SEMA3E: variants seen among roughly 807,000 people sequenced by gnomAD.
SEMA3E encodes semaphorin-3E.
A neutral mutation model predicts 93.6 loss-of-function variants in SEMA3E; 49 were observed. That is an observed-to-expected ratio of 0.52 (90% confidence interval 0.42 to 0.66). SEMA3E has a LOEUF of 0.66. Ranked by LOEUF, SEMA3E falls within the 30% of genes least tolerant of loss-of-function variation. The pLI is 0.00. For synonymous variants in SEMA3E, 363 were observed against 330.7 expected (o/e 1.10, Z -1.06); for missense variants, 906 against 964.8 (o/e 0.94, Z 0.81).
intron 1 of SEMA3E, among the ~76,000 whole-genome samples, chr7:83,504,585 G>C (rs1278371084): frequency 6.6e-6 from 1 of 152,174 alleles, no homozygotes; most frequent in African/African-American, 2.4e-5. Flanking sequence ...CCAATGCTGT[G>C]TGTACAGTTC....
chr7:83,476,730 T>G (rs995309945), intron 2 of SEMA3E, among the ~76,000 whole-genome samples: 9 of 152,136 alleles, frequency 5.9e-5, no homozygotes, highest in African/African-American at 1.7e-4. Context: ...CAGGATGCCT[T>G]TTGGTTCTGC....
At chr7:83,373,711 G>A (rs1045083787) in intron 16 of SEMA3E, among the ~76,000 whole-genome samples, 1 of 151,852 alleles carries the variant, frequency 6.6e-6, no homozygotes, top group African/African-American at 2.4e-5. Flanking sequence ...AAACATACAC[G>A]ATATCAAAGG....
At chr7:83,431,352 AAAAT>A (rs1015937883) in intron 4 of SEMA3E, among the ~76,000 whole-genome samples, 4 of 151,774 alleles carry the variant, frequency 2.6e-5, no homozygotes, top group African/African-American at 7.3e-5. Context: ...TTATTAGAAA[AAAAT>A]AAATATAAAT....
chr7:83,645,865 G>A (rs1794072907), intron 1 of SEMA3E, among the ~76,000 whole-genome samples: 2 of 151,840 alleles, frequency 1.3e-5, no homozygotes, highest in Non-Finnish European at 2.9e-5. Flanking sequence ...GCAAATCTCT[G>A]GACATTTTTT....
chr7:83,582,249 C>A (rs1448495017), intron 1 of SEMA3E, among the ~76,000 whole-genome samples: 1 of 150,012 alleles, frequency 6.7e-6, no homozygotes, highest in Non-Finnish European at 1.5e-5. Flanking sequence ...GTAATATATA[C>A]ATATAAATAA....
intron 4 of SEMA3E, among the ~76,000 whole-genome samples, chr7:83,461,033 T>C (rs992238020): frequency 2.0e-5 from 3 of 152,120 alleles, no homozygotes; most frequent in Non-Finnish European, 4.4e-5. Context: ...TATTTTCTTC[T>C]GCCATGCCGC....
At chr7:83,622,816 A>G (rs892502094) in intron 1 of SEMA3E, among the ~76,000 whole-genome samples, 4 of 152,056 alleles carry the variant, frequency 2.6e-5, no homozygotes, top group African/African-American at 9.7e-5. Flanking sequence ...AACAACACAC[A>G]CTGGGGCCTG....
chr7:83,606,916 G>A (rs1793136595), intron 1 of SEMA3E, among the ~76,000 whole-genome samples: 2 of 152,190 alleles, frequency 1.3e-5, no homozygotes, highest in Admixed American at 6.5e-5. Context: ...TGATGTTAAA[G>A]CTAAAAATAC....
intron 4 of SEMA3E, among the ~76,000 whole-genome samples, chr7:83,455,065 A>G (rs1789454006): frequency 6.6e-6 from 1 of 152,210 alleles, no homozygotes; most frequent in Non-Finnish European, 1.5e-5. Context: ...TTTCTGCACT[A>G]GAGGAAACTT....
intron 1 of SEMA3E, among the ~76,000 whole-genome samples, chr7:83,541,906 G>C (rs1370359033): frequency 1.3e-5 from 2 of 152,020 alleles, no homozygotes; most frequent in Non-Finnish European, 2.9e-5. Context: ...TCTAGAAGAG[G>C]CCCTGGAATG....
chr7:83,555,810 C>T (rs1339093019), intron 1 of SEMA3E, among the ~76,000 whole-genome samples: 1 of 152,128 alleles, frequency 6.6e-6, no homozygotes, highest in Non-Finnish European at 1.5e-5. Flanking sequence ...CAAATTCATG[C>T]TCGGTAGCAT....
chr7:83,516,292 AT>A (rs1451987586), intron 1 of SEMA3E, among the ~76,000 whole-genome samples: 1 of 152,170 alleles, frequency 6.6e-6, no homozygotes, highest in Non-Finnish European at 1.5e-5. Flanking sequence ...TGAAACATAT[AT>A]TTCTTTCTAA....
chr7:83,608,554 A>G (rs964668868), intron 1 of SEMA3E, among the ~76,000 whole-genome samples: 4 of 152,262 alleles, frequency 2.6e-5, no homozygotes, highest in Non-Finnish European at 5.9e-5. Context: ...TACTTTTAGT[A>G]TGGTGAGCTT....
chr7:83,553,109 A>G (rs1019491362), intron 1 of SEMA3E, among the ~76,000 whole-genome samples: 2 of 152,158 alleles, frequency 1.3e-5, no homozygotes, highest in Admixed American at 6.5e-5. Flanking sequence ...TCAGGTGGGC[A>G]TCACAGTCCT....
At chr7:83,386,338 G>A (rs1182341647) in intron 15 of SEMA3E, among the ~76,000 whole-genome samples, 1 of 151,980 alleles carries the variant, frequency 6.6e-6, no homozygotes, top group Non-Finnish European at 1.5e-5. Context: ...TTACTTCCTA[G>A]TGAGCTCAGT....
Position 83,444,301 on chromosome 7 carries a change from G to T in SEMA3E, c.456+22181C>A, listed in dbSNP as rs193177779. ...ACAAAATCTCGTGATTGTCTCTTTGGTCTCTTTTGTTGGAGAGTAGAGTCA... is the reference window on the plus strand; with the variant it reads ...ACAAAATCTCGTGATTGTCTCTTTGTTCTCTTTTGTTGGAGAGTAGAGTCA... On this transcript the variant is annotated intron_variant, in intron 4 of 16. Transcript: ENST00000643230. 1.6e-3 allele frequency among the ~76,000 whole-genome samples: 240 copies of T among 152,218 alleles called. 1 individual carries two copies. Among genetic ancestry groups the T allele is most frequent in the African/African-American group, 4.3e-3 (179 of 41,538 alleles).
At chr7:83,415,315 C>T (rs1253493233) in intron 5 of SEMA3E, among the ~76,000 whole-genome samples, 1 of 151,968 alleles carries the variant, frequency 6.6e-6, no homozygotes, top group Non-Finnish European at 1.5e-5. Context: ...GAAAACTTGG[C>T]CAAACATGCA....
At chr7:83,639,565 C>T (rs1156755559) in intron 1 of SEMA3E, among the ~76,000 whole-genome samples, 1 of 150,726 alleles carries the variant, frequency 6.6e-6, no homozygotes. Context: ...TACTCCTTGC[C>T]CTGAAGGACC....
intron 4 of SEMA3E, among the ~76,000 whole-genome samples, chr7:83,436,276 ATGT>A (rs1480319966): frequency 2.6e-5 from 4 of 151,760 alleles, no homozygotes; most frequent in Non-Finnish European, 5.9e-5. Flanking sequence ...GAAAATAAAA[ATGT>A]TGTCTGATCT....
Sources: gnomAD v4.1 joint callset for allele counts (sites outside exome capture counted in the v4.1 genomes callset) on GRCh38, gnomAD v4.1.1 for gene constraint, MANE v1.5 for transcripts, NCBI Gene and HGNC (gene_info 2026-07-23, HGNC 2026-07-21) for gene names.